DACH2: variants seen among roughly 807,000 people sequenced by gnomAD.
DACH2 encodes the protein dachshund family transcription factor 2.
A neutral mutation model predicts 35.8 loss-of-function variants in DACH2; 17 were observed. The ratio of observed to expected loss-of-function variants is 0.48; its 90% CI spans 0.33 to 0.71. The LOEUF is 0.71. Among genes scored for constraint, DACH2 ranks in the 30% least tolerant of loss-of-function variants. DACH2 has a pLI of 0.02. For synonymous variants in DACH2, 195 were observed against 177.3 expected (o/e 1.10, Z -0.79); for missense variants, 469 against 472.7 (o/e 0.99, Z 0.07).
rs770553774 is a variant in DACH2 at position 86,335,266 on chromosome X, A to AT, written c.489-41549dup. On this transcript the variant is annotated intron_variant, in intron 1 of 11. Transcript: ENST00000373125. ...TTTGGTTCCATATAAAATTTAAAGT[A>AT]TTTTTTTTTCTAATTCTATGAAGAA... is the stretch of plus-strand genomic sequence containing the variant. Among the ~76,000 whole-genome samples, 703 of 110,117 alleles carry AT rather than the reference A, an allele frequency of 6.4e-3. 2 individuals carry two copies. The highest frequency in any genetic ancestry group is 0.014 in the African/African-American group (437 of 30,366).
chrX:86,527,049 A>G (rs1488299858), intron 3 of DACH2, among the ~76,000 whole-genome samples: 1 of 110,858 alleles, frequency 9.0e-6, no homozygotes, highest in African/African-American at 3.3e-5. Flanking sequence ...AGCAATGAAT[A>G]TTAAATTGAG....
chrX:86,496,121 C>A (rs1244324580), intron 2 of DACH2, among the ~76,000 whole-genome samples: 1 of 110,736 alleles, frequency 9.0e-6, no homozygotes, highest in Non-Finnish European at 1.9e-5. Flanking sequence ...AGATAAATTT[C>A]TATATTTTGT....
At chrX:86,168,837 T>C (rs1602250028) in intron 1 of DACH2, among the ~76,000 whole-genome samples, 1 of 111,498 alleles carries the variant, frequency 9.0e-6, no homozygotes, top group East Asian at 2.8e-4. Context: ...TTTCTATTTA[T>C]ATTTTATTGT....
At chrX:86,294,065 C>T (rs1393689761) in intron 1 of DACH2, among the ~76,000 whole-genome samples, 2 of 111,799 alleles carry the variant, frequency 1.8e-5, no homozygotes, top group African/African-American at 6.5e-5. Flanking sequence ...GTACACCAAT[C>T]AGATGTAGAT....
At chrX:86,462,062 T>C (rs937067567) in intron 2 of DACH2, among the ~76,000 whole-genome samples, 17 of 111,109 alleles carry the variant, frequency 1.5e-4, no homozygotes, top group South Asian at 3.7e-4. Context: ...AACAGAGAAA[T>C]GTCACTGAAG....
At chrX:86,159,034 T>C (rs1344079056) in intron 1 of DACH2, among the ~76,000 whole-genome samples, 1 of 111,807 alleles carries the variant, frequency 8.9e-6, no homozygotes, top group African/African-American at 3.2e-5. Context: ...ATGATATATA[T>C]TTGTTAAAAG....
rs369741385 is a variant in DACH2, at chrX:86,272,286, C to A, written c.489-104538C>A. Among the ~76,000 whole-genome samples, 46 of 108,861 alleles carry A rather than the reference C, an allele frequency of 4.2e-4. No homozygotes were observed. The East Asian group carries it at 4.6e-3, about 11-fold the overall frequency. 94.5% of individuals were successfully genotyped at this position (108,861 alleles called of 115,157 possible). On this transcript the variant is annotated intron_variant, in intron 1 of 11. Coordinates refer to ENST00000373125, the MANE Select transcript of DACH2 (RefSeq NM_053281.3). ...TGCTTAGGTTTATTTCATACCTTTG[C>A]TATTGTGAATAGTGCTGTAAATATA...
chrX:86,313,463 AAAC>A (rs1416899672), intron 1 of DACH2, among the ~76,000 whole-genome samples: 3 of 111,842 alleles, frequency 2.7e-5, no homozygotes, highest in Non-Finnish European at 5.6e-5. Flanking sequence ...TCTCAATTTA[AAAC>A]AACTGAGCGG....
intron 3 of DACH2, among the ~76,000 whole-genome samples, chrX:86,612,584 G>A (rs1483857073): frequency 9.0e-6 from 1 of 111,627 alleles, no homozygotes; most frequent in Non-Finnish European, 1.9e-5. Flanking sequence ...TGTGGGTGTT[G>A]GTGTTGGCAG....
In DACH2 at chrX:86,252,389, T is replaced by C. The variant is rs189440004; in HGVS notation, c.488+103281T>C. 5.2e-3 allele frequency among the ~76,000 whole-genome samples: 585 copies of C among 111,541 alleles called. 1 individual carries two copies. The highest frequency in any genetic ancestry group is 9.2e-3 in the Middle Eastern group (2 of 218). ...ATCTTTGTTTTTGTTGCATTTGCTT[T>C]TGAGTTCTTGACCATGAAGTCTTTG... On this transcript the variant is annotated intron_variant, in intron 1 of 11. Coordinates refer to ENST00000373125, the MANE Select transcript of DACH2 (RefSeq NM_053281.3).
intron 3 of DACH2, among the ~76,000 whole-genome samples, chrX:86,595,274 T>C (rs779708448): frequency 1.8e-5 from 2 of 110,498 alleles, no homozygotes; most frequent in South Asian, 7.7e-4. Flanking sequence ...TCTGGATAAT[T>C]TTAGTTTTTA....
intron 2 of DACH2, among the ~76,000 whole-genome samples, chrX:86,444,269 T>A (rs1475397738): frequency 9.0e-6 from 1 of 110,606 alleles, no homozygotes; most frequent in Non-Finnish European, 1.9e-5. Context: ...TTATTATTTT[T>A]TGTAGAGACA....
chrX:86,770,190 C>T (rs2041975842), intron 7 of DACH2, among the ~76,000 whole-genome samples: 1 of 108,678 alleles, frequency 9.2e-6, no homozygotes, highest in Non-Finnish European at 1.9e-5. Context: ...CATTCAAGCA[C>T]TAATATACCA....
chrX:86,807,969 G>A (rs370660415), intron 7 of DACH2, among the ~76,000 whole-genome samples: 1 of 111,714 alleles, frequency 9.0e-6, no homozygotes, highest in East Asian at 2.8e-4. Context: ...CTAATATCAC[G>A]TGGAAGTTCT....
At chrX:86,281,795 C>CA (rs1382790880) in intron 1 of DACH2, among the ~76,000 whole-genome samples, 1 of 112,276 alleles carries the variant, frequency 8.9e-6, no homozygotes, top group African/African-American at 3.2e-5. Flanking sequence ...TAAGCAACTT[C>CA]AGCAAAGTCT....
intron 1 of DACH2, among the ~76,000 whole-genome samples, chrX:86,261,760 T>C (rs6623607): frequency 0.14 from 15,741 of 110,459 alleles, 1,128 homozygotes; most frequent in South Asian, 0.36. Flanking sequence ...TAGAGGTCAA[T>C]AAAATAAGCT....
chrX:86,224,956 G>T (rs5968836), intron 1 of DACH2, among the ~76,000 whole-genome samples: 8,438 of 111,108 alleles, frequency 0.076, 796 homozygotes, highest in African/African-American at 0.26. Context: ...CTAAATGATT[G>T]GTTAGAGCTG....
At chrX:86,652,581 C>A (rs146626615) in intron 4 of DACH2, among the ~76,000 whole-genome samples, 51 of 112,012 alleles carry the variant, frequency 4.6e-4, no homozygotes, top group South Asian at 1.1e-3. Context: ...ATAAACTTTC[C>A]CCTTTCTCTA....
rs368171965 is a variant in DACH2 at position 86,648,654 on chromosome X, T to G, written c.641-2382T>G. 4.5e-5 allele frequency among the ~76,000 whole-genome samples: 5 copies of G among 111,047 alleles called. No homozygotes were observed. The South Asian group carries it at 1.9e-3, about 41-fold the overall frequency. On this transcript the variant is annotated intron_variant, in intron 3 of 11. Coordinates refer to ENST00000373125, the MANE Select transcript of DACH2 (RefSeq NM_053281.3). The stretch of plus-strand genomic sequence containing the variant: ...AAGAGTTTCATAAGCTTAAAGTCAC[T>G]GCAATTATGGTATAAATTATGGTGA...
Sources: gnomAD v4.1 joint callset for allele counts (sites outside exome capture counted in the v4.1 genomes callset) on GRCh38, gnomAD v4.1.1 for gene constraint, MANE v1.5 for transcripts, NCBI Gene and HGNC (gene_info 2026-07-23, HGNC 2026-07-21) for gene names.